Variants in ASIC2 observed in about 807,000 individuals in gnomAD.
ASIC2 encodes acid sensing ion channel subunit 2.
In ASIC2, 25 loss-of-function variants were observed where a neutral mutation model predicts 57.3. The ratio of observed to expected loss-of-function variants is 0.44; its 90% CI spans 0.32 to 0.61. ASIC2 has a LOEUF of 0.61. Ranked by LOEUF, ASIC2 falls within the 20% of genes least tolerant of loss-of-function variation. ASIC2 has a pLI of 0.06. For synonymous variants in ASIC2, 319 were observed against 307.5 expected, an observed-to-expected ratio of 1.04 and a Z score of -0.39; for missense variants, 641 against 738.1, an observed-to-expected ratio of 0.87 and a Z score of 1.52.
chr17:33,765,136 C>T (rs540596009), intron 1 of ASIC2, among the ~76,000 whole-genome samples: 9 of 151,962 alleles, frequency 5.9e-5, no homozygotes, highest in African/African-American at 9.6e-5. Flanking sequence ...GACGGAGTCT[C>T]GCTCTGTCGC....
At chr17:34,084,519 G>C (rs981137165) in intron 1 of ASIC2, among the ~76,000 whole-genome samples, 3 of 152,042 alleles carry the variant, frequency 2.0e-5, no homozygotes, top group Admixed American at 1.3e-4. Context: ...TGACTTGGTG[G>C]TGTGGGCTCT....
At chr17:33,475,248 C>G (rs540882052) in intron 1 of ASIC2, among the ~76,000 whole-genome samples, 5 of 151,754 alleles carry the variant, frequency 3.3e-5, no homozygotes, top group Non-Finnish European at 5.9e-5. Context: ...CCCCACCCCC[C>G]AGTATTTAAC....
At chr17:33,470,503 C>G (rs554571221) in intron 1 of ASIC2, among the ~76,000 whole-genome samples, 145 of 152,304 alleles carry the variant, frequency 9.5e-4, no homozygotes, top group Non-Finnish European at 1.2e-3. Context: ...GATTCCTGGA[C>G]TTTTCCCTCA....
At chr17:33,441,205 G>A (rs1196138614) in intron 1 of ASIC2, among the ~76,000 whole-genome samples, 1 of 152,100 alleles carries the variant, frequency 6.6e-6, no homozygotes. Context: ...TGAATTCCTG[G>A]ACTCAAGTGG....
At position 34,018,596 on chromosome 17, in the gene ASIC2, C is replaced by T. The variant is rs1873195003; in HGVS notation, c.555+137382G>A. 2.6e-5 allele frequency among the ~76,000 whole-genome samples: 4 copies of T among 152,116 alleles called. 1 individual carries two copies. The highest frequency in any genetic ancestry group is 5.9e-5 in the Non-Finnish European group (4 of 68,034). ...TCACCATTCTAGATATAATTAAGAA[C>T]ATCTGTGATTCATAGGAAGCAGTCA... On this transcript the variant is annotated intron_variant, in intron 1 of 9. Coordinates refer to the ASIC2 transcript ENST00000359872.
At chr17:33,053,211 A>C (rs916962145) in intron 3 of ASIC2, among the ~76,000 whole-genome samples, 21 of 152,226 alleles carry the variant, frequency 1.4e-4, no homozygotes, top group African/African-American at 4.8e-4. Flanking sequence ...AACAGAACTC[A>C]AATTATCCAA....
At chr17:33,526,195 AC>A (rs1478721468) in intron 1 of ASIC2, among the ~76,000 whole-genome samples, 1 of 152,098 alleles carries the variant, frequency 6.6e-6, no homozygotes, top group Non-Finnish European at 1.5e-5. Context: ...AGGGTACCCA[AC>A]CAGCCTTTTC....
At chr17:33,117,542 T>A (rs1416284183) in intron 1 of ASIC2, among the ~76,000 whole-genome samples, 1 of 152,052 alleles carries the variant, frequency 6.6e-6, no homozygotes, top group Non-Finnish European at 1.5e-5. Flanking sequence ...CATCCAGAAA[T>A]GGAGAATCTG....
chr17:33,136,542 C>G (rs1288542857), intron 1 of ASIC2, among the ~76,000 whole-genome samples: 1 of 152,212 alleles, frequency 6.6e-6, no homozygotes, highest in African/African-American at 2.4e-5. Context: ...TGGAAAACTT[C>G]TTCTGGAAGC....
chr17:34,008,801 C>T (rs1021159693), intron 1 of ASIC2, among the ~76,000 whole-genome samples: 2 of 152,326 alleles, frequency 1.3e-5, no homozygotes, highest in East Asian at 3.9e-4. Context: ...AAGGCTGCAG[C>T]TCCCCTAGCC....
chr17:33,798,261 A>T (rs995614479), intron 1 of ASIC2, among the ~76,000 whole-genome samples: 2 of 152,194 alleles, frequency 1.3e-5, no homozygotes, highest in African/African-American at 2.4e-5. Flanking sequence ...ATAATTGTAT[A>T]GAAAGATTCC....
At chr17:33,755,079 T>G (rs1910555221) in intron 1 of ASIC2, among the ~76,000 whole-genome samples, 1 of 152,102 alleles carries the variant, frequency 6.6e-6, no homozygotes, top group Non-Finnish European at 1.5e-5. Context: ...GGGATTATTC[T>G]GGATTATTCA....
At chr17:34,117,402 A>G (rs1911458627) in intron 1 of ASIC2, among the ~76,000 whole-genome samples, 1 of 152,174 alleles carries the variant, frequency 6.6e-6, no homozygotes, top group Non-Finnish European at 1.5e-5. Context: ...GATGAACAGG[A>G]GTTTCCCCAA....
At chr17:33,799,427 C>CTTTAT (rs11439080) in intron 1 of ASIC2, among the ~76,000 whole-genome samples, 1 of 84,060 alleles carries the variant, frequency 1.2e-5, no homozygotes, top group African/African-American at 4.8e-5. Flanking sequence ...TTCTTTCTTT[C>CTTTAT]TTCTTTCTTT....
intron 1 of ASIC2, among the ~76,000 whole-genome samples, chr17:33,580,795 A>AAAAT (rs1904409509): frequency 6.6e-6 from 1 of 152,204 alleles, no homozygotes; most frequent in South Asian, 2.1e-4. Flanking sequence ...CAAGATATGA[A>AAAAT]AAATAACTAA....
intron 1 of ASIC2, among the ~76,000 whole-genome samples, chr17:33,113,180 G>A (rs1351851228): frequency 6.6e-6 from 1 of 152,156 alleles, no homozygotes; most frequent in African/African-American, 2.4e-5. Context: ...TCCAAGTTTT[G>A]ACATTGCCAC....
Position 33,776,088 on chromosome 17 carries a change from A to T in ASIC2, c.555+379890T>A, listed in dbSNP as rs146184785. Among the ~76,000 whole-genome samples, 4 of 149,572 alleles carry T rather than the reference A, an allele frequency of 2.7e-5. No individual in the cohort carries two copies. In the East Asian group the frequency reaches 8.1e-4, roughly 30 times the overall value. On this transcript the variant is annotated intron_variant, in intron 1 of 9. Transcript: ENST00000359872. The stretch of plus-strand genomic sequence containing the variant: ...GCGGAGGTTGCGGTGAGTCAAGATC[A>T]TGCCACTACACTCCAGCTTATGTGA...
At chr17:34,057,156 G>C (rs1201815676) in intron 1 of ASIC2, among the ~76,000 whole-genome samples, 2 of 148,784 alleles carry the variant, frequency 1.3e-5, no homozygotes, top group African/African-American at 5.1e-5. Flanking sequence ...CCTGAGTAGA[G>C]AGACAAATAA....
intron 1 of ASIC2, among the ~76,000 whole-genome samples, chr17:33,829,407 A>C (rs1913035788): frequency 1.3e-5 from 2 of 152,110 alleles, no homozygotes; most frequent in African/African-American, 4.8e-5. Flanking sequence ...TGTTTTCAGA[A>C]ATACTATGGA....
Sources: gnomAD v4.1 joint callset for allele counts (sites outside exome capture counted in the v4.1 genomes callset) on GRCh38, gnomAD v4.1.1 for gene constraint, MANE v1.5 for transcripts, NCBI Gene and HGNC (gene_info 2026-07-23, HGNC 2026-07-21) for gene names.